The following MEOX2 variants were observed in gnomAD, a reference collection of about 807,000 sequenced individuals.
MEOX2 encodes mesenchyme homeobox 2.
Under a neutral mutation model 27.0 loss-of-function variants are expected in MEOX2, and 11 were observed. The ratio of observed to expected loss-of-function variants is 0.41; its 90% confidence interval spans 0.26 to 0.68. MEOX2 has a LOEUF of 0.68. Among genes scored for constraint, MEOX2 ranks in the 30% least tolerant of loss-of-function variants. MEOX2 has a pLI of 0.33. For missense variants in MEOX2, 436 were observed against 385.4 expected, an observed-to-expected ratio of 1.13 and a Z score of -1.10; for synonymous variants, 189 against 155.4, an observed-to-expected ratio of 1.22 and a Z score of -1.61.
rs552556089 is a variant in MEOX2 at position 15,617,031 on chromosome 7, C to G, written c.691-4420G>C. 7.4e-4 allele frequency among the ~76,000 whole-genome samples: 113 copies of G among 152,128 alleles called. 3 individuals are homozygous for G. The South Asian group carries it at 0.023, about 31-fold the overall frequency. ...CAGACAAAAGAAGTGACTTATGAAT[C>G]TGTATTGTCACACAATTTCCTAAGG... On this transcript the variant is annotated intron_variant, in intron 2 of 2. Transcript: ENST00000262041.
intron 1 of MEOX2, among the ~76,000 whole-genome samples, chr7:15,665,299 C>G (rs1781984124): frequency 6.6e-6 from 1 of 151,414 alleles, no homozygotes; most frequent in African/African-American, 2.4e-5. Flanking sequence ...GAAAAAAAAG[C>G]ACCTTAATCA....
chr7:15,633,197 A>G (rs1781428531), intron 1 of MEOX2, among the ~76,000 whole-genome samples: 1 of 151,856 alleles, frequency 6.6e-6, no homozygotes, highest in African/African-American at 2.4e-5. Context: ...GTCAATAAAA[A>G]TAATACTTGT....
intron 1 of MEOX2, among the ~76,000 whole-genome samples, chr7:15,678,401 C>T (rs572263428): frequency 6.6e-6 from 1 of 152,238 alleles, no homozygotes; most frequent in South Asian, 2.1e-4. Flanking sequence ...CAAGCTAGTC[C>T]CCATTACGTT....
At chr7:15,620,178 T>C (rs1267485799) in intron 2 of MEOX2, among the ~76,000 whole-genome samples, 1 of 152,174 alleles carries the variant, frequency 6.6e-6, no homozygotes, top group African/African-American at 2.4e-5. Flanking sequence ...GTCAAATTAT[T>C]CTTAATAATT....
chr7:15,672,648 T>A (rs1231130105), intron 1 of MEOX2, among the ~76,000 whole-genome samples: 2 of 152,082 alleles, frequency 1.3e-5, no homozygotes, highest in Non-Finnish European at 2.9e-5. Context: ...ATCCCAACAC[T>A]TTGGGAGGCC....
intron 2 of MEOX2, among the ~76,000 whole-genome samples, chr7:15,624,274 C>T (rs538810312): frequency 1.2e-4 from 19 of 152,306 alleles, no homozygotes; most frequent in Admixed American, 1.1e-3. Flanking sequence ...ACTTGCAAAA[C>T]TGCACGTAGA....
Position 15,637,513 on chromosome 7 carries a change from A to G in MEOX2, c.518-10595T>C, listed in dbSNP as rs1450113028. On this transcript the variant is annotated intron_variant, in intron 1 of 2. Transcript: ENST00000262041. ...GCTTACTCCTAAAATGTAATTTTCC[A>G]ATACACACACACACACACGCACACA... 1.3e-5 allele frequency among the ~76,000 whole-genome samples: 2 copies of G among 151,548 alleles called. 1 individual carries two copies.
In MEOX2 at chr7:15,686,409, C is replaced by G. The variant is rs1327011411; in HGVS notation, c.-7G>C. On this transcript the variant is annotated 5_prime_UTR_variant, in exon 1 of 3. Coordinates refer to ENST00000262041, the MANE Select transcript of MEOX2 (RefSeq NM_005924.5). Reference sequence around the variant, plus strand: ...CAAAGAGCGGGTGTTCCATAGCATGCAAGTTTCGGGTTCCAGGCAGAAGAC... The same window carrying G: ...CAAAGAGCGGGTGTTCCATAGCATGGAAGTTTCGGGTTCCAGGCAGAAGAC... 1 of 1,560,498 alleles carries G rather than the reference C, an allele frequency of 6.4e-7. No homozygotes were observed. Among genetic ancestry groups the G allele is most frequent in the Non-Finnish European group, 8.7e-7 (1 of 1,151,562 alleles).
chr7:15,656,711 T>C (rs1428515466), intron 1 of MEOX2, among the ~76,000 whole-genome samples: 7 of 152,054 alleles, frequency 4.6e-5, no homozygotes, highest in Non-Finnish European at 4.4e-5. Context: ...TTTTGCTTTA[T>C]GTAACAATAA....
chr7:15,635,365 A>C (rs1781464642), intron 1 of MEOX2, among the ~76,000 whole-genome samples: 1 of 152,010 alleles, frequency 6.6e-6, no homozygotes, highest in Non-Finnish European at 1.5e-5. Context: ...AAATATGGTT[A>C]TGAAACCTAA....
intron 1 of MEOX2, among the ~76,000 whole-genome samples, chr7:15,658,732 G>T (rs1344526005): frequency 6.6e-6 from 1 of 152,192 alleles, no homozygotes; most frequent in Non-Finnish European, 1.5e-5. Context: ...AGATGCAAGA[G>T]AAATGGTCTC....
At chr7:15,645,266 G>C (rs1000193728) in intron 1 of MEOX2, among the ~76,000 whole-genome samples, 1 of 152,176 alleles carries the variant, frequency 6.6e-6, no homozygotes, top group African/African-American at 2.4e-5. Context: ...TCATTGTAAG[G>C]AAGGAAATTG....
At chr7:15,616,504 A>C (rs950261577) in intron 2 of MEOX2, among the ~76,000 whole-genome samples, 1 of 151,948 alleles carries the variant, frequency 6.6e-6, no homozygotes, top group Admixed American at 6.6e-5. Flanking sequence ...TCATTAATGT[A>C]GGACAGTAGT....
At position 15,686,486 on chromosome 7, in the gene MEOX2, C is replaced by G. The variant is rs1210687266; in HGVS notation, c.-84G>C. The G allele has an allele frequency of 7.9e-7, 1 of 1,260,014 alleles. No homozygotes were observed. Among genetic ancestry groups the G allele is most frequent in the African/African-American group, 2.0e-5 (1 of 49,314 alleles). 78.1% of individuals were successfully genotyped at this position (1,260,014 alleles called of 1,614,324 possible). ...CCTCTGTCACTTTTTCACTGGAAAC[C>G]GTGTGATTTTTTTTTTAACCTCCCA... On this transcript the variant is annotated 5_prime_UTR_variant, in exon 1 of 3. Transcript: ENST00000262041.
intron 2 of MEOX2, among the ~76,000 whole-genome samples, chr7:15,614,016 A>G (rs928698291): frequency 2.0e-5 from 3 of 151,060 alleles, no homozygotes; most frequent in African/African-American, 7.3e-5. Context: ...GATGATTAGA[A>G]ACTCTTAATA....
At position 15,638,982 on chromosome 7, in the gene MEOX2, C is replaced by T. The variant is rs147214347; in HGVS notation, c.518-12064G>A. Among the ~76,000 whole-genome samples the T allele has an allele frequency of 6.3e-3, 959 of 152,124 alleles. 8 individuals are homozygous for T. The highest frequency in any genetic ancestry group is 0.014 in the Middle Eastern group (4 of 294). On this transcript the variant is annotated intron_variant, in intron 1 of 2. Transcript: ENST00000262041. ...ACTTTTTGATACAATTATTCCTTTC[C>T]CTTTGGGTAGATACCCGGTAGTGGA...
chr7:15,630,366 T>C (rs1781382491), intron 1 of MEOX2, among the ~76,000 whole-genome samples: 1 of 152,004 alleles, frequency 6.6e-6, no homozygotes, highest in South Asian at 2.1e-4. Flanking sequence ...CAAAAGATAA[T>C]AATGTTTTAT....
intron 1 of MEOX2, among the ~76,000 whole-genome samples, chr7:15,638,448 T>G (rs1289214601): frequency 6.6e-6 from 1 of 152,150 alleles, no homozygotes; most frequent in Non-Finnish European, 1.5e-5. Flanking sequence ...TCATATGCAT[T>G]TAGTCTAATT....
intron 1 of MEOX2, among the ~76,000 whole-genome samples, chr7:15,667,289 C>CTAAAAAAAAA (rs1782023386): frequency 2.4e-5 from 1 of 40,980 alleles, no homozygotes; most frequent in Non-Finnish European, 4.1e-5. Flanking sequence ...GACTCTGTCT[C>CTAAAAAAAAA]AAAAAAAAAA....
Sources: gnomAD v4.1 joint callset for allele counts (sites outside exome capture counted in the v4.1 genomes callset) on GRCh38, gnomAD v4.1.1 for gene constraint, MANE v1.5 for transcripts, NCBI Gene and HGNC (gene_info 2026-07-23, HGNC 2026-07-21) for gene names.